The following CCDC88A variants were observed in gnomAD, a reference collection of about 807,000 sequenced individuals.
CCDC88A encodes coiled-coil and HOOK domain protein 88A.
In CCDC88A, 54 loss-of-function variants were observed where a neutral mutation model predicts 234.3. That is an observed-to-expected ratio of 0.23 (90% confidence interval 0.19 to 0.29). The LOEUF (loss-of-function observed/expected upper bound fraction) is 0.29, where lower values mean the gene tolerates loss of function less well. CCDC88A is among the 10% of genes least tolerant of loss of function. The pLI, the probability that CCDC88A is intolerant of heterozygous loss-of-function variation, is 1.00. For missense variants in CCDC88A, 1,832 were observed against 2,123.4 expected (o/e 0.86, Z 2.70); for synonymous variants, 753 against 737.8 (o/e 1.02, Z -0.33).
rs574373642 is a variant in CCDC88A, at chr2:55,306,617, G to A, written c.4387+2192C>T. On this transcript the variant is annotated intron_variant, in intron 25 of 32. Coordinates refer to ENST00000436346, the MANE Select transcript of CCDC88A (RefSeq NM_001365480.1). ...TTTAATTTTTTTGAGACAAAGTCTC[G>A]CCCTGTCACCTAGGCTGGAGTGCAG... Among the ~76,000 whole-genome samples the A allele has an allele frequency of 1.5e-4, 23 of 151,650 alleles. No homozygotes were observed. The South Asian group carries it at 3.8e-3, about 25-fold the overall frequency.
chr2:55,351,335 AT>A (rs1028561461), intron 8 of CCDC88A, among the ~76,000 whole-genome samples: 1 of 151,316 alleles, frequency 6.6e-6, no homozygotes, highest in African/African-American at 2.4e-5. Context: ...AGTATTTAGA[AT>A]TTTTTTCAGG....
chr2:55,361,012 G>T (rs1671226052), intron 7 of CCDC88A, among the ~76,000 whole-genome samples: 1 of 151,944 alleles, frequency 6.6e-6, no homozygotes, highest in Non-Finnish European at 1.5e-5. Flanking sequence ...CTTGAACCTG[G>T]GAGACGGGGG....
intron 5 of CCDC88A, 64 bp from the exon 6 acceptor site, chr2:55,364,097 A>G (rs1157983806): frequency 4.0e-6 from 3 of 748,606 alleles, no homozygotes; most frequent in Non-Finnish European, 6.4e-6. Flanking sequence ...AATGTTATAT[A>G]TAACTAAAAC....
chr2:55,401,200 C>A (rs1343427810), intron 2 of CCDC88A, among the ~76,000 whole-genome samples: 1 of 151,392 alleles, frequency 6.6e-6, no homozygotes, highest in Non-Finnish European at 1.5e-5. Context: ...GAGGCTGAGG[C>A]CAGAGAATTG....
chr2:55,395,762 G>C (rs1419547633), intron 2 of CCDC88A, among the ~76,000 whole-genome samples: 1 of 152,174 alleles, frequency 6.6e-6, no homozygotes, highest in African/African-American at 2.4e-5. Context: ...TACAATTTGA[G>C]ATCTGCAGAA....
chr2:55,386,888 A>G (rs1258000648), intron 3 of CCDC88A, among the ~76,000 whole-genome samples: 1 of 152,056 alleles, frequency 6.6e-6, no homozygotes, highest in Non-Finnish European at 1.5e-5. Context: ...TGAGCTAAAG[A>G]AAAAGGGCTG....
intron 8 of CCDC88A, among the ~76,000 whole-genome samples, chr2:55,353,429 G>A (rs1459802194): frequency 1.3e-5 from 2 of 152,006 alleles, no homozygotes; most frequent in South Asian, 4.2e-4. Flanking sequence ...TATCCTGGGC[G>A]TGTTCATTTC....
intron 7 of CCDC88A, among the ~76,000 whole-genome samples, chr2:55,358,962 T>C (rs1206642727): frequency 6.6e-6 from 1 of 152,128 alleles, no homozygotes; most frequent in Non-Finnish European, 1.5e-5. Context: ...TTTATTTGTG[T>C]ATTTTCTTAC....
At chr2:55,313,984 A>G (rs934781515) in intron 22 of CCDC88A, 3 of 152,174 alleles carry the variant, frequency 2.0e-5, no homozygotes, top group African/African-American at 7.2e-5. Flanking sequence ...CTTTTCCCGT[A>G]AAGAAGTGGA....
chr2:55,301,704 AC>A lies in CCDC88A; in HGVS notation c.4672+167del, dbSNP rs1680921456. ...GGAAAAGATTTTAGTTATTTGTATA[AC>A]GTTTTATATTTTTAAAATGATTTGA... On this transcript the variant is annotated intron_variant, in intron 27 of 32. Coordinates refer to ENST00000436346, the MANE Select transcript of CCDC88A (RefSeq NM_001365480.1). 1.4e-5 allele frequency: 9 copies of A among 629,618 alleles called. No homozygotes were observed. In the South Asian group the frequency reaches 1.9e-4, roughly 13 times the overall value. The allele number at this position is 629,618 out of a possible 1,614,324, so 39.0% of individuals were successfully genotyped here.
intron 31 of CCDC88A, chr2:55,295,263 G>A: frequency 7.3e-7 from 1 of 1,372,450 alleles, no homozygotes; most frequent in Non-Finnish European, 9.7e-7. Flanking sequence ...CAAAGAGGCA[G>A]AAGCCTGGTC....
chr2:55,343,253 T>A (rs1668721887), intron 12 of CCDC88A, among the ~76,000 whole-genome samples: 1 of 152,150 alleles, frequency 6.6e-6, no homozygotes, highest in Admixed American at 6.5e-5. Flanking sequence ...TCTGAAAATT[T>A]GCCCATTATG....
chr2:55,373,400 C>T (rs1673121485), intron 4 of CCDC88A, among the ~76,000 whole-genome samples: 1 of 152,188 alleles, frequency 6.6e-6, no homozygotes, highest in Admixed American at 6.6e-5. Context: ...CAATCCTAGG[C>T]ACAGCTCTTA....
intron 2 of CCDC88A, among the ~76,000 whole-genome samples, chr2:55,416,613 T>G (rs1332045838): frequency 6.6e-6 from 1 of 150,754 alleles, no homozygotes; most frequent in Non-Finnish European, 1.5e-5. Flanking sequence ...ATAAATAGTT[T>G]CATTTACAAA....
chr2:55,330,657 C>A (rs919493862), intron 16 of CCDC88A, among the ~76,000 whole-genome samples: 1 of 152,048 alleles, frequency 6.6e-6, no homozygotes, highest in Non-Finnish European at 1.5e-5. Flanking sequence ...TTTAGTAGTT[C>A]AAGCCACTTT....
At chr2:55,316,697 T>C (rs1322872692) in intron 21 of CCDC88A, among the ~76,000 whole-genome samples, 3 of 152,186 alleles carry the variant, frequency 2.0e-5, no homozygotes, top group Non-Finnish European at 2.9e-5. Context: ...ATCATGCTAC[T>C]GAACTTCAGC....
rs1671998873 is a variant in CCDC88A, at chr2:55,366,570, CACACACAA to C, written c.403-2545_403-2538del. The stretch of plus-strand genomic sequence containing the variant: ...ACACACACACACACACACACACACA[CACACACAA>C]GATATGATGTGGAAACTTGGACATA... On this transcript the variant is annotated intron_variant, in intron 5 of 32. Transcript: ENST00000436346. Among the ~76,000 whole-genome samples, 3 of 131,080 alleles carry C rather than the reference CACACACAA, an allele frequency of 2.3e-5. No individual in the cohort carries two copies. The South Asian group carries it at 7.1e-4, about 31-fold the overall frequency. The allele number at this position is 131,080 out of a possible 152,430, so 86.0% of individuals were successfully genotyped here. A position where few individuals can be genotyped will look rare whatever the true frequency, so the allele number is the denominator to read the frequency against.
At chr2:55,294,333 A>T (rs1377584607) in intron 31 of CCDC88A, 1 of 983,842 alleles carries the variant, frequency 1.0e-6, no homozygotes, top group Non-Finnish European at 1.2e-6. Flanking sequence ...AAGAAACAAT[A>T]AATACAAATG....
chr2:55,393,601 T>C (rs975752113), intron 2 of CCDC88A, among the ~76,000 whole-genome samples: 30 of 152,174 alleles, frequency 2.0e-4, no homozygotes, highest in African/African-American at 3.1e-4. Context: ...GCCAAAACTA[T>C]AGAGTTTTTG....
Sources: gnomAD v4.1 joint callset for allele counts (sites outside exome capture counted in the v4.1 genomes callset) on GRCh38, gnomAD v4.1.1 for gene constraint, MANE v1.5 for transcripts, NCBI Gene and HGNC (gene_info 2026-07-23, HGNC 2026-07-21) for gene names.